The following WWOX variants were observed in gnomAD, a reference collection of about 807,000 sequenced individuals.
WWOX encodes the protein WW domain containing oxidoreductase, also known as WW domain-containing oxidoreductase.
WWOX carries 69 observed loss-of-function variants against 46.2 expected under a neutral mutation model. That is an observed-to-expected ratio of 1.49 (90% CI 1.23 to 1.82). WWOX has a LOEUF of 1.82. Ranked by LOEUF, WWOX falls within the 40% of genes most tolerant of loss-of-function variation. WWOX has a pLI of 0.00. For missense variants in WWOX, 919 were observed against 542.6 expected (o/e 1.69, Z -6.89); for synonymous variants, 359 against 202.6 (o/e 1.77, Z -6.56).
At chr16:78,700,246 T>G (rs577298080) in intron 8 of WWOX, among the ~76,000 whole-genome samples, 99 of 151,134 alleles carry the variant, frequency 6.6e-4, no homozygotes, top group African/African-American at 2.2e-3. Flanking sequence ...CATGGTTGGT[T>G]TCTGGTGAGT....
intron 8 of WWOX, among the ~76,000 whole-genome samples, chr16:78,827,881 T>C (rs1442162640): frequency 6.6e-6 from 1 of 152,008 alleles, no homozygotes; most frequent in East Asian, 1.9e-4. Context: ...CAGCAGCCAG[T>C]GTTGTTATCT....
intron 8 of WWOX, among the ~76,000 whole-genome samples, chr16:78,800,759 T>G (rs2050865257): frequency 1.3e-5 from 2 of 152,294 alleles, no homozygotes; most frequent in South Asian, 4.1e-4. Flanking sequence ...TTAGCTAAGG[T>G]CAGTGTGTCT....
At chr16:78,446,753 C>G (rs1382285992) in intron 8 of WWOX, among the ~76,000 whole-genome samples, 1 of 149,504 alleles carries the variant, frequency 6.7e-6, no homozygotes, top group East Asian at 2.0e-4. Context: ...CTCCGCCTCC[C>G]AAGTTCAAGC....
chr16:78,329,126 G>A (rs550360057), intron 5 of WWOX, among the ~76,000 whole-genome samples: 9 of 152,226 alleles, frequency 5.9e-5, no homozygotes, highest in South Asian at 4.2e-4. Flanking sequence ...CTCCCAAAGT[G>A]CTGGGATTAC....
rs1567657259 is a variant in WWOX, at chr16:78,578,256, A to ATATATATATATATATATATATT, written c.1056+145525_1056+145526insTTATATATATATATATATATAT. Among the ~76,000 whole-genome samples the ATATATATATATATATATATATT allele has an allele frequency of 2.4e-3, 56 of 23,750 alleles. 1 individual carries two copies. The highest frequency in any genetic ancestry group is 5.8e-3 in the African/African-American group (52 of 8,902). The allele number at this position is 23,750 out of a possible 152,430, so 15.6% of individuals were successfully genotyped here. A position where few individuals can be genotyped will look rare whatever the true frequency, so the allele number is the denominator to read the frequency against. Reference sequence around the variant, plus strand: ...CAAATATATGTGCATACCAAATTTTATATATATATATATATATATATATAT... The same window carrying ATATATATATATATATATATATT: ...CAAATATATGTGCATACCAAATTTTATATATATATATATATATATATTTATATATATATATATATATATATAT... On this transcript the variant is annotated intron_variant, in intron 8 of 8. Transcript: ENST00000566780.
chr16:78,189,059 A>G (rs1597329441), intron 5 of WWOX, among the ~76,000 whole-genome samples: 1 of 152,136 alleles, frequency 6.6e-6, no homozygotes, highest in African/African-American at 2.4e-5. Flanking sequence ...TTCCTGTTGA[A>G]GCTGGTGTTT....
At chr16:78,947,026 C>G (rs1229466349) in intron 8 of WWOX, among the ~76,000 whole-genome samples, 1 of 150,544 alleles carries the variant, frequency 6.6e-6, no homozygotes, top group Non-Finnish European at 1.5e-5. Context: ...TTGTCTCTGC[C>G]TCCGTAAAGG....
chr16:79,039,174 T>C (rs1329990190), intron 8 of WWOX, among the ~76,000 whole-genome samples: 2 of 152,176 alleles, frequency 1.3e-5, no homozygotes, highest in East Asian at 3.9e-4. Context: ...GTGATGCTCA[T>C]GTTACGGTTT....
intron 8 of WWOX, among the ~76,000 whole-genome samples, chr16:78,685,615 C>T (rs1597443951): frequency 3.3e-5 from 5 of 152,256 alleles, no homozygotes; most frequent in Admixed American, 3.3e-4. Flanking sequence ...GTATATTTCA[C>T]ATGGCCATAT....
intron 8 of WWOX, among the ~76,000 whole-genome samples, chr16:79,030,859 G>C (rs900249838): frequency 6.6e-6 from 1 of 152,066 alleles, no homozygotes; most frequent in Admixed American, 6.5e-5. Context: ...GAGGCAGGAG[G>C]ATCGCTTGAG....
At chr16:79,087,564 A>C (rs2048876395) in intron 8 of WWOX, among the ~76,000 whole-genome samples, 1 of 151,276 alleles carries the variant, frequency 6.6e-6, no homozygotes, top group South Asian at 2.1e-4. Flanking sequence ...CCAGAGCAAG[A>C]CTCTGTGCTG....
intron 8 of WWOX, among the ~76,000 whole-genome samples, chr16:78,862,190 C>T (rs973676165): frequency 2.0e-5 from 3 of 151,560 alleles, no homozygotes; most frequent in Admixed American, 6.6e-5. Flanking sequence ...ATGGGTGTGT[C>T]TGTCTGTATC....
chr16:78,139,795 A>T (rs1829383425), intron 4 of WWOX, among the ~76,000 whole-genome samples: 1 of 152,172 alleles, frequency 6.6e-6, no homozygotes, highest in Admixed American at 6.6e-5. Context: ...AAAGAGAGGG[A>T]TGGGGAATTC....
chr16:78,241,937 G>A (rs2037663986), intron 5 of WWOX, among the ~76,000 whole-genome samples: 1 of 152,110 alleles, frequency 6.6e-6, no homozygotes, highest in Admixed American at 6.6e-5. Context: ...GCAGACAAAT[G>A]CCACTGATAA....
At chr16:78,895,492 T>G (rs574530733) in intron 8 of WWOX, 2 of 152,358 alleles carry the variant, frequency 1.3e-5, no homozygotes, top group African/African-American at 4.8e-5. Flanking sequence ...GCTTCTTGTG[T>G]TTTTCTATTC....
chr16:78,304,993 C>G (rs1274875035), intron 5 of WWOX, among the ~76,000 whole-genome samples: 1 of 149,020 alleles, frequency 6.7e-6, no homozygotes, highest in Non-Finnish European at 1.5e-5. Flanking sequence ...TTCTTTCCTT[C>G]TTTCCTTGCC....
rs1207718237 is a variant in WWOX, at chr16:78,702,120, A to ATATATATATATT, written c.1056+269371_1056+269372insATATATATTTAT. Among the ~76,000 whole-genome samples the ATATATATATATT allele has an allele frequency of 2.3e-3, 298 of 130,010 alleles. 10 individuals carry two copies. The highest frequency in any genetic ancestry group is 9.5e-3 in the African/African-American group (287 of 30,262). The allele number at this position is 130,010 out of a possible 152,430, so 85.3% of individuals were successfully genotyped here. On this transcript the variant is annotated intron_variant, in intron 8 of 8. Transcript: ENST00000566780. Reference sequence around the variant, plus strand: ...TAAAGTTATATATATATATATATATATATTTATTTATTTTCAAGACATGGT... The same window carrying ATATATATATATT: ...TAAAGTTATATATATATATATATATATATATATATATTTATTTATTTATTTTCAAGACATGGT...
At chr16:78,457,042 A>G (rs2083835760) in intron 8 of WWOX, among the ~76,000 whole-genome samples, 1 of 152,238 alleles carries the variant, frequency 6.6e-6, no homozygotes, top group South Asian at 2.1e-4. Context: ...TGATGTTGAA[A>G]TGTCACACAA....
chr16:79,092,025 C>T lies in WWOX; in HGVS notation c.1057-119583C>T, dbSNP rs1200213243. Among the ~76,000 whole-genome samples the T allele has an allele frequency of 4.6e-5, 7 of 152,206 alleles. No homozygotes were observed. In the East Asian group the frequency reaches 1.4e-3, roughly 30 times the overall value. On this transcript the variant is annotated intron_variant, in intron 8 of 8. Transcript: ENST00000566780. Reference sequence around the variant, plus strand: ...CGATCTCTTGACCTCGTGATCTTTTCTCGCCTCGGCCTCCCAAAGTGCTGG... The same window carrying T: ...CGATCTCTTGACCTCGTGATCTTTTTTCGCCTCGGCCTCCCAAAGTGCTGG...
Sources: allele counts gnomAD v4.1 joint callset (sites outside exome capture counted in the v4.1 genomes callset), GRCh38; gene constraint gnomAD v4.1.1; transcripts MANE v1.5; gene names NCBI Gene and HGNC (gene_info 2026-07-23, HGNC 2026-07-21).